Variants in ADAMTS17 observed in about 807,000 individuals in gnomAD.
ADAMTS17 encodes the protein A disintegrin and metalloproteinase with thrombospondin motifs 17.
A neutral mutation model predicts 141.5 loss-of-function variants in ADAMTS17; 113 were observed. The ratio of observed to expected loss-of-function variants is 0.80; its 90% CI spans 0.69 to 0.93. The LOEUF (loss-of-function observed/expected upper bound fraction) is 0.93, where lower values mean the gene tolerates loss of function less well. Ranked by LOEUF, ADAMTS17 falls within the 40% of genes least tolerant of loss-of-function variation. ADAMTS17 has a pLI of 0.00. For synonymous variants in ADAMTS17, 768 were observed against 630.6 expected, an observed-to-expected ratio of 1.22 and a Z score of -3.27; for missense variants, 1,659 against 1,517.9, an observed-to-expected ratio of 1.09 and a Z score of -1.54.
rs147924291 is a variant in ADAMTS17, at chr15:100,017,715, T to C, written c.2592-20126A>G. Among the ~76,000 whole-genome samples the C allele has an allele frequency of 7.5e-3, 1,147 of 152,252 alleles. 11 individuals are homozygous for C. The highest frequency in any genetic ancestry group is 0.026 in the African/African-American group (1,076 of 41,532). On this transcript the variant is annotated intron_variant, in intron 18 of 21. Transcript: ENST00000268070. The stretch of plus-strand genomic sequence containing the variant: ...GTTTGGGCACTCACAGTATTTGGAG[T>C]GTCTCCTGGGTCCTGCAGGAGCAGT...
intron 8 of ADAMTS17, among the ~76,000 whole-genome samples, chr15:100,178,132 T>C (rs2040402017): frequency 2.0e-5 from 3 of 152,198 alleles, no homozygotes; most frequent in South Asian, 4.1e-4. Flanking sequence ...TGCCAGTGTT[T>C]GTCTTTTAGC....
intron 15 of ADAMTS17, among the ~76,000 whole-genome samples, chr15:100,086,006 T>G (rs2035075630): frequency 6.6e-6 from 1 of 150,776 alleles, no homozygotes; most frequent in South Asian, 2.1e-4. Flanking sequence ...ATATTAACCT[T>G]AAATGTAAAT....
chr15:100,243,784 C>T lies in ADAMTS17; in HGVS notation c.1075+10352G>A, dbSNP rs570781213. ...CAGCCTGGGTGACAGAGCAAGACTCCATCTTAAAAAAAAAAAAAAGAAAGA... is the reference window on the plus strand; with the variant it reads ...CAGCCTGGGTGACAGAGCAAGACTCTATCTTAAAAAAAAAAAAAAGAAAGA... On this transcript the variant is annotated intron_variant, in intron 7 of 21. Coordinates refer to ENST00000268070, the MANE Select transcript of ADAMTS17 (RefSeq NM_139057.4). Among the ~76,000 whole-genome samples the T allele has an allele frequency of 9.6e-4, 99 of 103,164 alleles. No homozygotes were observed. In the South Asian group the frequency reaches 0.038, roughly 40 times the overall value. 67.7% of individuals were successfully genotyped at this position (103,164 alleles called of 152,430 possible). A position where few individuals can be genotyped will look rare whatever the true frequency, so the allele number is the denominator to read the frequency against.
At chr15:100,145,853 T>G (rs1280132174) in intron 10 of ADAMTS17, among the ~76,000 whole-genome samples, 1 of 152,250 alleles carries the variant, frequency 6.6e-6, no homozygotes, top group Non-Finnish European at 1.5e-5. Flanking sequence ...TTCTAATCTT[T>G]AACGCATCAC....
chr15:100,276,626 C>A (rs1287829524), intron 4 of ADAMTS17, among the ~76,000 whole-genome samples: 3 of 152,036 alleles, frequency 2.0e-5, no homozygotes, highest in Non-Finnish European at 4.4e-5. Flanking sequence ...AGCAGATTTC[C>A]TTCCAAATCT....
chr15:100,258,859 T>C (rs1227865573), intron 6 of ADAMTS17, among the ~76,000 whole-genome samples: 1 of 152,182 alleles, frequency 6.6e-6, no homozygotes, highest in Non-Finnish European at 1.5e-5. Context: ...CATCTTTGCA[T>C]TGAGGGTGCG....
chr15:100,137,873 C>T (rs1373074668), intron 10 of ADAMTS17, among the ~76,000 whole-genome samples: 4 of 152,082 alleles, frequency 2.6e-5, no homozygotes, highest in South Asian at 2.1e-4. Context: ...ACTACCAACA[C>T]CCACCCTTTC....
chr15:99,989,542 C>T (rs759618782), intron 20 of ADAMTS17, among the ~76,000 whole-genome samples: 26 of 152,232 alleles, frequency 1.7e-4, no homozygotes, highest in Non-Finnish European at 1.5e-4. Flanking sequence ...CTGGACTCTC[C>T]GTAACCATGC....
intron 12 of ADAMTS17, chr15:100,128,714 T>A (rs1258259801): frequency 1.3e-5 from 2 of 152,146 alleles, no homozygotes; most frequent in African/African-American, 4.8e-5. Flanking sequence ...AATCCCAATA[T>A]AAGAAACCCC....
At chr15:100,144,460 G>C (rs2038804349) in intron 10 of ADAMTS17, among the ~76,000 whole-genome samples, 1 of 152,052 alleles carries the variant, frequency 6.6e-6, no homozygotes, top group African/African-American at 2.4e-5. Flanking sequence ...TGACGCAGGA[G>C]AATCGCTTGA....
At chr15:100,322,761 T>C (rs1468196265) in intron 3 of ADAMTS17, among the ~76,000 whole-genome samples, 1 of 152,096 alleles carries the variant, frequency 6.6e-6, no homozygotes, top group African/African-American at 2.4e-5. Context: ...AATGGAAATA[T>C]CATATGCACC....
At chr15:100,051,534 A>AC (rs1567089983) in intron 17 of ADAMTS17, 38 bp downstream of exon 17, 1 of 1,611,438 alleles carries the variant, frequency 6.2e-7, no homozygotes, top group South Asian at 1.1e-5. Flanking sequence ...CTTCAGCAAA[A>AC]CCCCACACCC....
At chr15:100,280,380 T>C (rs1214870212) in intron 4 of ADAMTS17, among the ~76,000 whole-genome samples, 1 of 151,720 alleles carries the variant, frequency 6.6e-6, no homozygotes, top group East Asian at 1.9e-4. Flanking sequence ...CCTCCTCCAT[T>C]CCCACTCCAA....
At chr15:100,313,497 C>T (rs1394139248) in intron 3 of ADAMTS17, among the ~76,000 whole-genome samples, 1 of 152,214 alleles carries the variant, frequency 6.6e-6, no homozygotes, top group African/African-American at 2.4e-5. Context: ...AATACACCCA[C>T]ACGGGCCAAA....
At chr15:100,323,020 G>C (rs919332803) in intron 3 of ADAMTS17, among the ~76,000 whole-genome samples, 1 of 146,248 alleles carries the variant, frequency 6.8e-6, no homozygotes, top group Non-Finnish European at 1.5e-5. Flanking sequence ...CCGGGAGGCG[G>C]AGCTTGCAGT....
intron 15 of ADAMTS17, among the ~76,000 whole-genome samples, chr15:100,066,727 C>T (rs1043336153): frequency 6.6e-6 from 1 of 152,132 alleles, no homozygotes; most frequent in African/African-American, 2.4e-5. Context: ...ACGTGTCGTT[C>T]CTTTCTAAGT....
intron 8 of ADAMTS17, among the ~76,000 whole-genome samples, chr15:100,177,526 T>A (rs1350925311): frequency 6.6e-6 from 1 of 152,230 alleles, no homozygotes; most frequent in Non-Finnish European, 1.5e-5. Flanking sequence ...ACGATCTCAA[T>A]TCTTTTAAAC....
chr15:100,058,919 T>C (rs1286028115), intron 15 of ADAMTS17, among the ~76,000 whole-genome samples: 1 of 152,162 alleles, frequency 6.6e-6, no homozygotes, highest in African/African-American at 2.4e-5. Flanking sequence ...GGAAGGAACA[T>C]ACTGGACAAC....
chr15:100,100,119 C>T (rs2036006386), intron 14 of ADAMTS17, among the ~76,000 whole-genome samples: 1 of 152,192 alleles, frequency 6.6e-6, no homozygotes, highest in South Asian at 2.1e-4. Context: ...TGTGCCTAAC[C>T]TGGAAATAAA....
Sources: gnomAD v4.1 joint callset for allele counts (sites outside exome capture counted in the v4.1 genomes callset) on GRCh38, gnomAD v4.1.1 for gene constraint, MANE v1.5 for transcripts, NCBI Gene and HGNC (gene_info 2026-07-23, HGNC 2026-07-21) for gene names.